L3MBTL4: variants seen among roughly 807,000 people sequenced by gnomAD.
L3MBTL4 encodes the protein L3MBTL histone methyl-lysine binding protein 4, also known as lethal(3)malignant brain tumor-like protein 4.
A neutral mutation model predicts 84.5 loss-of-function variants in L3MBTL4; 70 were observed. That is an observed-to-expected ratio of 0.83 (90% CI 0.68 to 1.01). The LOEUF is 1.01. Among genes scored for constraint, L3MBTL4 ranks in the 50% least tolerant of loss-of-function variants. The pLI is 0.00. For missense variants in L3MBTL4, 715 were observed against 754.8 expected, an observed-to-expected ratio of 0.95 and a Z score of 0.62; for synonymous variants, 274 against 259.8, an observed-to-expected ratio of 1.05 and a Z score of -0.52.
Position 6,241,517 on chromosome 18 carries a change from T to C in L3MBTL4, c.461-68A>G, listed in dbSNP as rs906117752. 1.6e-5 allele frequency: 14 copies of C among 896,988 alleles called. No homozygotes were observed. The African/African-American group carries it at 2.2e-4, about 14-fold the overall frequency. 55.6% of individuals were successfully genotyped at this position (896,988 alleles called of 1,614,324 possible). ...TCACATGCATATTAAATATATTAGG[T>C]TGGTGCAAAAGTAAGTGCGGTTTTG... On this transcript the variant is annotated intron_variant, in intron 7 of 18. Transcript: ENST00000317931.
chr18:6,388,109 A>G (rs572927639), intron 1 of L3MBTL4, among the ~76,000 whole-genome samples: 42 of 152,336 alleles, frequency 2.8e-4, no homozygotes, highest in African/African-American at 9.4e-4. Flanking sequence ...AAAAAGAGCT[A>G]TGATGTGAGG....
chr18:6,112,437 G>A lies in L3MBTL4; in HGVS notation c.1200-18909C>T, dbSNP rs1281791323. On this transcript the variant is annotated intron_variant, in intron 14 of 18. Coordinates refer to ENST00000317931, the MANE Select transcript of L3MBTL4 (RefSeq NM_001330559.2). ...GCATGTCTTTAGGTATTAAAATTGA[G>A]TGCATCACAACTATAGCCTGTAAGG... 2.6e-5 allele frequency among the ~76,000 whole-genome samples: 4 copies of A among 152,188 alleles called. No homozygotes were observed. The East Asian group carries it at 5.8e-4, about 22-fold the overall frequency.
chr18:6,295,344 C>CTA (rs1491551062), intron 4 of L3MBTL4, among the ~76,000 whole-genome samples: 1,045 of 105,074 alleles, frequency 9.9e-3, no homozygotes, highest in African/African-American at 0.017. Context: ...CTCTCTCTCT[C>CTA]TCTATATATA....
chr18:6,163,131 T>C (rs569268137), intron 13 of L3MBTL4, among the ~76,000 whole-genome samples: 24 of 152,100 alleles, frequency 1.6e-4, no homozygotes, highest in African/African-American at 5.8e-4. Flanking sequence ...AATGTTGTTT[T>C]GTTAGAGTGC....
In L3MBTL4 at chr18:6,407,991, A is replaced by G. The variant is rs544508918; in HGVS notation, c.-91+6810T>C. Among the ~76,000 whole-genome samples, 6 of 152,304 alleles carry G rather than the reference A, an allele frequency of 3.9e-5. No homozygotes were observed. In the South Asian group the frequency reaches 1.2e-3, roughly 32 times the overall value. On this transcript the variant is annotated intron_variant, in intron 1 of 18. Coordinates refer to ENST00000317931, the MANE Select transcript of L3MBTL4 (RefSeq NM_001330559.2). ...AGAAAAGCAGACACAAATGTACAAA[A>G]GCCCACCAGAGAGAGAAGATACCAT...
intron 1 of L3MBTL4, among the ~76,000 whole-genome samples, chr18:6,348,635 T>C (rs2143709664): frequency 6.6e-6 from 1 of 152,270 alleles, no homozygotes; most frequent in African/African-American, 2.4e-5. Flanking sequence ...AATATCTTCA[T>C]GGCCTTAGGT....
intron 4 of L3MBTL4, among the ~76,000 whole-genome samples, chr18:6,284,422 G>A (rs1341232835): frequency 6.6e-6 from 1 of 152,156 alleles, no homozygotes; most frequent in Admixed American, 6.5e-5. Flanking sequence ...TGTCCCTCCT[G>A]GGAAAGTCGA....
intron 10 of L3MBTL4, among the ~76,000 whole-genome samples, chr18:6,233,926 A>G (rs888556033): frequency 1.2e-4 from 18 of 152,038 alleles, no homozygotes; most frequent in East Asian, 3.9e-4. Context: ...ATACTACAAG[A>G]CTACAGTAAC....
At chr18:6,013,327 T>C (rs1260968788) in intron 16 of L3MBTL4, among the ~76,000 whole-genome samples, 1 of 152,238 alleles carries the variant, frequency 6.6e-6, no homozygotes. Flanking sequence ...TCCAGCTTCC[T>C]GCATTGTCTT....
intron 13 of L3MBTL4, among the ~76,000 whole-genome samples, chr18:6,144,981 T>A (rs73938768): frequency 0.026 from 3,921 of 152,286 alleles, 165 homozygotes; most frequent in African/African-American, 0.089. Context: ...AAGAATGATA[T>A]CCCTCTCTTT....
At chr18:6,316,918 A>T (rs1333659697) in intron 1 of L3MBTL4, among the ~76,000 whole-genome samples, 1 of 152,074 alleles carries the variant, frequency 6.6e-6, no homozygotes, top group African/African-American at 2.4e-5. Context: ...CTTTAGCCAC[A>T]ACCAGTTTCT....
chr18:6,293,987 G>C (rs61157154), intron 4 of L3MBTL4, among the ~76,000 whole-genome samples: 28,756 of 152,122 alleles, frequency 0.19, 2,855 homozygotes, highest in African/African-American at 0.24. Context: ...GGAGTAACTG[G>C]TGAAACTTGA....
chr18:6,254,709 G>A (rs1475749112), intron 5 of L3MBTL4, among the ~76,000 whole-genome samples: 2 of 152,124 alleles, frequency 1.3e-5, no homozygotes, highest in Admixed American at 6.5e-5. Context: ...AATAAGTTAA[G>A]TGAATGCAGT....
intron 12 of L3MBTL4, among the ~76,000 whole-genome samples, chr18:6,186,526 G>A (rs2044773662): frequency 1.3e-5 from 2 of 152,190 alleles, no homozygotes; most frequent in Non-Finnish European, 2.9e-5. Context: ...TTTCGGAAAT[G>A]AGAAGCCTCA....
intron 1 of L3MBTL4, among the ~76,000 whole-genome samples, chr18:6,342,843 A>C (rs930514672): frequency 4.6e-5 from 7 of 152,144 alleles, no homozygotes; most frequent in African/African-American, 1.7e-4. Flanking sequence ...AGAGACTGAC[A>C]TTAGCTTTAA....
chr18:5,999,718 A>G (rs1020025885), intron 16 of L3MBTL4, among the ~76,000 whole-genome samples: 2 of 152,230 alleles, frequency 1.3e-5, no homozygotes, highest in Non-Finnish European at 2.9e-5. Flanking sequence ...GCCAGAAGCA[A>G]CTGTGATTGG....
At chr18:6,409,296 T>C (rs1393405746) in intron 1 of L3MBTL4, among the ~76,000 whole-genome samples, 2 of 152,146 alleles carry the variant, frequency 1.3e-5, no homozygotes, top group African/African-American at 2.4e-5. Context: ...AAATAAATCA[T>C]CATAACAATA....
intron 16 of L3MBTL4, among the ~76,000 whole-genome samples, chr18:5,980,448 T>TTTTTGG (rs2053161777): frequency 1.4e-5 from 2 of 141,916 alleles, no homozygotes; most frequent in African/African-American, 2.6e-5. Context: ...TTTTTTTTTT[T>TTTTTGG]GAGATGGAGT....
chr18:6,321,404 C>T (rs1291829593), intron 1 of L3MBTL4, among the ~76,000 whole-genome samples: 1 of 151,956 alleles, frequency 6.6e-6, no homozygotes, highest in Non-Finnish European at 1.5e-5. Context: ...ATAATCCCAT[C>T]AAAAACAATA....
Sources: allele counts gnomAD v4.1 joint callset (sites outside exome capture counted in the v4.1 genomes callset), GRCh38; gene constraint gnomAD v4.1.1; transcripts MANE v1.5; gene names NCBI Gene and HGNC (gene_info 2026-07-23, HGNC 2026-07-21).